WNT2B: variants seen among roughly 807,000 people sequenced by gnomAD.
WNT2B encodes the protein protein Wnt-2b.
In WNT2B, 19 loss-of-function variants were observed where a neutral mutation model predicts 40.5. The observed-to-expected ratio is 0.47, with a 90% CI of 0.33 to 0.69. The LOEUF (loss-of-function observed/expected upper bound fraction) is 0.69, where lower values mean the gene tolerates loss of function less well. WNT2B is among the 30% of genes least tolerant of loss of function. The pLI is 0.02. For missense variants in WNT2B, 467 were observed against 556.4 expected (o/e 0.84, Z 1.62); for synonymous variants, 220 against 211.9 (o/e 1.04, Z -0.33).
At chr1:112,486,192 T>C (rs1298019846) in intron 1 of WNT2B, among the ~76,000 whole-genome samples, 1 of 146,690 alleles carries the variant, frequency 6.8e-6, no homozygotes, top group Non-Finnish European at 1.5e-5. Flanking sequence ...CCTGTAATCC[T>C]AGCACTTTGG....
chr1:112,486,264 G>A (rs970449564), intron 1 of WNT2B, among the ~76,000 whole-genome samples: 2 of 152,024 alleles, frequency 1.3e-5, no homozygotes, highest in African/African-American at 2.4e-5. Context: ...GCAACATAGC[G>A]AGACCCCATC....
At position 112,494,235 on chromosome 1, in the gene WNT2B, G is replaced by A. The variant is rs140751797; in HGVS notation, c.-94-20639G>A. The stretch of plus-strand genomic sequence containing the variant: ...TGAGGCGGGAGAATCGTTTGAACCC[G>A]AGAAGCGGAGGTTGCAGTGAACAGA... On this transcript the variant is annotated intron_variant, in intron 1 of 4. Coordinates refer to the WNT2B transcript ENST00000256640. Among the ~76,000 whole-genome samples, 479 of 151,398 alleles carry A rather than the reference G, an allele frequency of 3.2e-3. 27 individuals carry two copies. Among genetic ancestry groups the A allele is most frequent in the African/African-American group, 0.011 (449 of 40,774 alleles).
In WNT2B at chr1:112,523,937, G is replaced by A. The variant is rs776667579; in HGVS notation, c.*3428G>A. 33 of 151,394 alleles carry A rather than the reference G, an allele frequency of 2.2e-4. No individual in the cohort carries two copies. The highest frequency in any genetic ancestry group is 3.5e-4 in the Non-Finnish European group (24 of 67,912). 9.4% of individuals were successfully genotyped at this position (151,394 alleles called of 1,614,324 possible). A position where few individuals can be genotyped will look rare whatever the true frequency, so the allele number is the denominator to read the frequency against. ...TTTATTAATACCAGCCCTGAATAAT[G>A]GCACTAATCCACACTCTTCCTTAGA... On this transcript the variant is annotated 3_prime_UTR_variant, in exon 5 of 5. Transcript: ENST00000369684.
intron 1 of WNT2B, among the ~76,000 whole-genome samples, chr1:112,496,652 G>T (rs1457623048): frequency 6.6e-6 from 1 of 151,622 alleles, no homozygotes; most frequent in Non-Finnish European, 1.5e-5. Flanking sequence ...CCAGGCTGGA[G>T]CGCAATGGTA....
chr1:112,514,605 T>A (rs1379326274), intron 1 of WNT2B: 1 of 534,046 alleles, frequency 1.9e-6, no homozygotes, highest in Non-Finnish European at 3.4e-6. Context: ...GCCTAGCCTG[T>A]GTTCTGGGAG....
upstream of WNT2B, among the ~76,000 whole-genome samples, chr1:112,504,567 C>G (rs1263169872): frequency 1.3e-5 from 2 of 152,196 alleles, no homozygotes; most frequent in Non-Finnish European, 2.9e-5. Flanking sequence ...CCCCCCTTAA[C>G]AGCTCCTGGG....
At position 112,522,447 on chromosome 1, in the gene WNT2B, T is replaced by TAA. The variant is rs1652932175; in HGVS notation, c.*1940_*1941dup. On this transcript the variant is annotated 3_prime_UTR_variant, in exon 5 of 5. Coordinates refer to ENST00000369684, the MANE Select transcript of WNT2B (RefSeq NM_024494.3). Reference sequence around the variant, plus strand: ...TAGGAACAGTCCTTCTTTAGGACTATAAAGTATTAACAAAAGTCTGTAGAT... The same window carrying TAA: ...TAGGAACAGTCCTTCTTTAGGACTATAAAAAGTATTAACAAAAGTCTGTAGAT... 2 of 152,248 alleles carry TAA rather than the reference T, an allele frequency of 1.3e-5. No individual in the cohort carries two copies. Among genetic ancestry groups the TAA allele is most frequent in the South Asian group, 2.1e-4 (1 of 4,836 alleles). 9.4% of individuals were successfully genotyped at this position (152,248 alleles called of 1,614,324 possible).
chr1:112,491,957 T>C (rs1359080665), intron 1 of WNT2B, among the ~76,000 whole-genome samples: 2 of 152,148 alleles, frequency 1.3e-5, no homozygotes, highest in Admixed American at 6.5e-5. Context: ...ATTTAGGATA[T>C]GAGTTTCATC....
intron 1 of WNT2B, among the ~76,000 whole-genome samples, chr1:112,484,304 T>G (rs1339487197): frequency 3.6e-4 from 52 of 144,368 alleles, no homozygotes; most frequent in African/African-American, 1.3e-3. Context: ...CACACATATA[T>G]ATAGAGAGAG....
chr1:112,517,615 G>A (rs1033968483), intron 4 of WNT2B, among the ~76,000 whole-genome samples: 2 of 152,216 alleles, frequency 1.3e-5, no homozygotes, highest in Non-Finnish European at 2.9e-5. Flanking sequence ...GTCATGCATC[G>A]CTCCTTTGTA....
chr1:112,526,267 C>T lies in WNT2B; in HGVS notation c.*5758C>T, dbSNP rs143470341. 27 of 905,910 alleles carry T rather than the reference C, an allele frequency of 3.0e-5. No homozygotes were observed. The African/African-American group carries it at 4.0e-4, about 13-fold the overall frequency. 56.1% of individuals were successfully genotyped at this position (905,910 alleles called of 1,614,324 possible). A position where few individuals can be genotyped will look rare whatever the true frequency, so the allele number is the denominator to read the frequency against. On this transcript the variant is annotated 3_prime_UTR_variant, in exon 5 of 5. Coordinates refer to ENST00000369684, the MANE Select transcript of WNT2B (RefSeq NM_024494.3). ...TTTGCCATTTCTGCCACTATTACCA[C>T]CAGTACCATGTGACCACTATACAAC...
At position 112,522,254 on chromosome 1, in the gene WNT2B, T is replaced by A. The variant is rs1220875014; in HGVS notation, c.*1745T>A. 2.0e-5 allele frequency: 3 copies of A among 152,278 alleles called. No individual in the cohort carries two copies. The highest frequency in any genetic ancestry group is 4.4e-5 in the Non-Finnish European group (3 of 68,122). 9.4% of individuals were successfully genotyped at this position (152,278 alleles called of 1,614,324 possible). A position where few individuals can be genotyped will look rare whatever the true frequency, so the allele number is the denominator to read the frequency against. ...TATGTTGCCCAGGCTGGTCTTGAAT[T>A]CTTGGTCTCAAGCAATCCTCCCACT... On this transcript the variant is annotated 3_prime_UTR_variant, in exon 5 of 5. Coordinates refer to ENST00000369684, the MANE Select transcript of WNT2B (RefSeq NM_024494.3).
intron 1 of WNT2B, 170 bp from the exon 2 acceptor site, chr1:112,514,704 T>C: frequency 3.0e-6 from 2 of 661,216 alleles, no homozygotes; most frequent in African/African-American, 3.6e-5. Context: ...CTATTAATAC[T>C]TCTTCAGAAC....
chr1:112,491,983 A>G (rs1458721432), intron 1 of WNT2B, among the ~76,000 whole-genome samples: 2 of 152,228 alleles, frequency 1.3e-5, no homozygotes, highest in African/African-American at 4.8e-5. Flanking sequence ...GGGAGTGAGA[A>G]CAACTTCCTA....
At chr1:112,504,442 C>G (rs1401692036), upstream of WNT2B, among the ~76,000 whole-genome samples, 2 of 152,178 alleles carry the variant, frequency 1.3e-5, no homozygotes, top group Non-Finnish European at 2.9e-5. Context: ...TCCTTCCCTC[C>G]AAAGCCCTTT....
chr1:112,494,611 G>A (rs923644856), intron 1 of WNT2B, among the ~76,000 whole-genome samples: 9 of 151,432 alleles, frequency 5.9e-5, no homozygotes, highest in African/African-American at 2.2e-4. Context: ...AATATTTAAA[G>A]TATTGAGATA....
In WNT2B at chr1:112,520,555, C is replaced by G; in HGVS notation, c.*46C>G. The G allele has an allele frequency of 1.9e-6, 3 of 1,588,054 alleles. No individual in the cohort carries two copies. The highest frequency in any genetic ancestry group is 2.6e-6 in the Non-Finnish European group (3 of 1,162,386). ...TCCCTCCAATTCAAGCCTCTCAACTCAAAAGCACAAGATCCTTGCATGCAC... is the reference window on the plus strand; with the variant it reads ...TCCCTCCAATTCAAGCCTCTCAACTGAAAAGCACAAGATCCTTGCATGCAC... On this transcript the variant is annotated 3_prime_UTR_variant, in exon 5 of 5. Transcript: ENST00000369684.
At chr1:112,477,558 C>T (rs1651089056) in intron 1 of WNT2B, among the ~76,000 whole-genome samples, 1 of 152,158 alleles carries the variant, frequency 6.6e-6, no homozygotes, top group Admixed American at 6.5e-5. Flanking sequence ...GATCTATGAA[C>T]TACCTAAAGA....
At position 112,509,352 on chromosome 1, in the gene WNT2B, C is replaced by T; in HGVS notation, c.90C>T (p.Pro30=). ...APVPVPSPAA[P]DGSRASARLG... The stretch of plus-strand genomic sequence containing the variant: ...TCCCTGTGCCGTCGCCCGCGGCCCC[C>T]GACGGCTCCCGGGCTTCGGCCCGCC... Residue 30 remains proline (P), a synonymous_variant, in exon 1 of 5, where the codon CCC becomes CCT. Transcript: ENST00000369684. The surrounding 1 kb of genome is among the most constrained non-coding windows in gnomAD (Gnocchi z 4.2). 14 of 1,594,356 alleles carry T rather than the reference C, an allele frequency of 8.8e-6. No individual in the cohort carries two copies. The highest frequency in any genetic ancestry group is 1.1e-5 in the Non-Finnish European group (13 of 1,176,826).
Sources: allele counts gnomAD v4.1 joint callset (sites outside exome capture counted in the v4.1 genomes callset), GRCh38; gene constraint gnomAD v4.1.1; non-coding constraint Gnocchi (gnomAD v3.1); transcripts MANE v1.5; gene names NCBI Gene and HGNC (gene_info 2026-07-23, HGNC 2026-07-21).